Variants in SBF2 observed in about 807,000 individuals in gnomAD.
SBF2 encodes the protein SET binding factor 2.
A neutral mutation model predicts 225.2 loss-of-function variants in SBF2; 112 were observed. The ratio of observed to expected loss-of-function variants is 0.50; its 90% CI spans 0.43 to 0.58. The LOEUF (loss-of-function observed/expected upper bound fraction) is 0.58. Ranked by LOEUF, SBF2 falls within the 20% of genes least tolerant of loss-of-function variation. The pLI, the probability that SBF2 is intolerant of heterozygous loss-of-function variation, is 0.00. For missense variants in SBF2, 1,996 were observed against 2,206.2 expected (o/e 0.90, Z 1.91); for synonymous variants, 763 against 773.3 (o/e 0.99, Z 0.22).
At chr11:9,939,286 C>T (rs75442800) in intron 16 of SBF2, among the ~76,000 whole-genome samples, 12 of 152,158 alleles carry the variant, frequency 7.9e-5, no homozygotes, top group South Asian at 4.1e-4. Context: ...TAAGTAGAGA[C>T]GGGGTTTCAC....
At chr11:10,050,674 A>G (rs1461356544) in intron 2 of SBF2, among the ~76,000 whole-genome samples, 2 of 152,126 alleles carry the variant, frequency 1.3e-5, no homozygotes, top group Non-Finnish European at 2.9e-5. Context: ...TGACATAAAC[A>G]TTGTGACATA....
At chr11:10,080,808 T>C (rs762388936) in intron 2 of SBF2, among the ~76,000 whole-genome samples, 1 of 151,662 alleles carries the variant, frequency 6.6e-6, no homozygotes, top group Non-Finnish European at 1.5e-5. Context: ...CAAGCAGAAA[T>C]AGCTATACTT....
At chr11:10,291,459 G>A (rs983912469) in intron 1 of SBF2, among the ~76,000 whole-genome samples, 17 of 152,098 alleles carry the variant, frequency 1.1e-4, no homozygotes, top group Non-Finnish European at 2.5e-4. Context: ...CCAGTTTGAG[G>A]TATTTTTGTT....
At chr11:9,922,930 A>T (rs1863747242) in intron 16 of SBF2, among the ~76,000 whole-genome samples, 1 of 152,206 alleles carries the variant, frequency 6.6e-6, no homozygotes, top group South Asian at 2.1e-4. Context: ...ACAACAGTCA[A>T]TCTACAACCC....
chr11:10,234,756 T>A (rs1033728590), intron 1 of SBF2, among the ~76,000 whole-genome samples: 1 of 152,212 alleles, frequency 6.6e-6, no homozygotes, highest in African/African-American at 2.4e-5. Context: ...CTCAAAGGAA[T>A]AATCCTCCAT....
chr11:10,230,948 A>C (rs1958814168), intron 1 of SBF2, among the ~76,000 whole-genome samples: 1 of 152,168 alleles, frequency 6.6e-6, no homozygotes, highest in Non-Finnish European at 1.5e-5. Flanking sequence ...CAGGTACACC[A>C]ATCAGACATA....
intron 1 of SBF2, among the ~76,000 whole-genome samples, chr11:10,207,379 C>T (rs1227554262): frequency 1.3e-5 from 2 of 152,042 alleles, no homozygotes; most frequent in Non-Finnish European, 2.9e-5. Context: ...AGAAGCAATA[C>T]CGGAGCATCA....
intron 3 of SBF2, among the ~76,000 whole-genome samples, chr11:10,039,733 C>T (rs994005496): frequency 6.6e-6 from 1 of 151,702 alleles, no homozygotes; most frequent in African/African-American, 2.4e-5. Flanking sequence ...GAAGAAATGG[C>T]TGATTTCAAG....
At chr11:10,103,031 T>C (rs1404652692) in intron 2 of SBF2, among the ~76,000 whole-genome samples, 1 of 152,096 alleles carries the variant, frequency 6.6e-6, no homozygotes, top group African/African-American at 2.4e-5. Context: ...CTACAAAAAA[T>C]GGGGAGAGAG....
At chr11:9,962,667 A>G (rs1866650974) in intron 15 of SBF2, among the ~76,000 whole-genome samples, 1 of 152,232 alleles carries the variant, frequency 6.6e-6, no homozygotes, top group African/African-American at 2.4e-5. Flanking sequence ...TGTATGCATT[A>G]AAACTCTTTT....
At chr11:9,911,832 C>T (rs1341974485) in intron 16 of SBF2, among the ~76,000 whole-genome samples, 2 of 152,182 alleles carry the variant, frequency 1.3e-5, no homozygotes, top group Non-Finnish European at 2.9e-5. Context: ...CAACTGCCTA[C>T]AGTATTCAGT....
At chr11:9,898,632 T>C (rs927850714) in intron 16 of SBF2, among the ~76,000 whole-genome samples, 4 of 152,094 alleles carry the variant, frequency 2.6e-5, no homozygotes, top group African/African-American at 4.8e-5. Flanking sequence ...GATGGTGCCA[T>C]TGCACTCCAG....
At chr11:9,791,421 CAAAAAAAA>C (rs11343948) in intron 33 of SBF2, among the ~76,000 whole-genome samples, 2 of 125,456 alleles carry the variant, frequency 1.6e-5, no homozygotes, top group African/African-American at 6.2e-5. Flanking sequence ...ACCAGTTTAT[CAAAAAAAA>C]AAAAAAAAAA....
chr11:10,180,739 T>C (rs1161793852), intron 2 of SBF2, among the ~76,000 whole-genome samples: 2 of 152,184 alleles, frequency 1.3e-5, no homozygotes, highest in Admixed American at 6.5e-5. Flanking sequence ...TTCTAGATCT[T>C]GTAGGTATGC....
At chr11:10,289,748 C>T (rs956785317) in intron 1 of SBF2, among the ~76,000 whole-genome samples, 1 of 152,146 alleles carries the variant, frequency 6.6e-6, no homozygotes, top group African/African-American at 2.4e-5. Context: ...TGGCTGGGTC[C>T]CTGAAGCAGG....
intron 6 of SBF2, among the ~76,000 whole-genome samples, chr11:10,026,143 A>G (rs372399200): frequency 4.6e-5 from 7 of 151,788 alleles, no homozygotes; most frequent in Admixed American, 3.9e-4. Flanking sequence ...CTTGACGCTA[A>G]ATGCTGGTTA....
intron 38 of SBF2, among the ~76,000 whole-genome samples, chr11:9,782,442 T>A (rs1486652038): frequency 6.6e-6 from 1 of 152,154 alleles, no homozygotes; most frequent in Non-Finnish European, 1.5e-5. Flanking sequence ...TTGAGAAATA[T>A]TAAAAATGGC....
chr11:9,841,872 C>A (rs934769184), intron 25 of SBF2, among the ~76,000 whole-genome samples: 1 of 152,218 alleles, frequency 6.6e-6, no homozygotes, highest in South Asian at 2.1e-4. Context: ...AAATGGAGAC[C>A]GGTTAGCCAG....
chr11:9,845,698 C>T lies in SBF2; in HGVS notation c.2977G>A (p.Val993Ile). 6.2e-7 allele frequency: 1 copy of T among 1,613,896 alleles called. No individual in the cohort carries two copies. Among genetic ancestry groups the T allele is most frequent in the Non-Finnish European group, 8.5e-7 (1 of 1,179,816 alleles). Residue 993 changes from valine to isoleucine, a missense_variant, in exon 24 of 40, where the codon GTA becomes ATA. Val to Ile is a conservative substitution (Grantham distance 29). Coordinates refer to ENST00000256190, the MANE Select transcript of SBF2 (RefSeq NM_030962.4). ...AFDEEVSPEVVEIFKKQLMKF... is the reference protein window; with the variant it reads ...AFDEEVSPEVIEIFKKQLMKF... Reference sequence around the variant, plus strand: ...ATCAGCTGTTTCTTAAAGATCTCTACTACTTCTGGACTGACTTCTTCATCA... The same window carrying T: ...ATCAGCTGTTTCTTAAAGATCTCTATTACTTCTGGACTGACTTCTTCATCA...
Sources: allele counts gnomAD v4.1 joint callset (sites outside exome capture counted in the v4.1 genomes callset), GRCh38; gene constraint gnomAD v4.1.1; transcripts MANE v1.5; gene names NCBI Gene and HGNC (gene_info 2026-07-23, HGNC 2026-07-21).